Variants in PCDHGB2 observed in about 807,000 individuals in gnomAD.
The protein encoded by PCDHGB2 is protocadherin gamma-B2.
A neutral mutation model predicts 59.3 loss-of-function variants in PCDHGB2; 55 were observed. That is an observed-to-expected ratio of 0.93 (90% CI 0.75 to 1.16). The LOEUF is 1.16. PCDHGB2 is among the 50% of genes most tolerant of loss of function. The probability of loss-of-function intolerance (pLI) is 0.00; values close to 1 mark genes in which losing one functional copy is unlikely to be tolerated. For missense variants in PCDHGB2, 1,228 were observed against 1,198.5 expected (o/e 1.02, Z -0.36); for synonymous variants, 516 against 512.0 (o/e 1.01, Z -0.11).
rs751034521 is a variant in PCDHGB2, at chr5:141,405,112, C to A, written c.2421+42556C>A. ...TGGCCCTCAGGCTGAGGCACTGGCA[C>A]TCCTCGCATCTGCTGCGGGCTACCA... On this transcript the variant is annotated intron_variant, in intron 1 of 3. Coordinates refer to ENST00000522605, the MANE Select transcript of PCDHGB2 (RefSeq NM_018923.3). 4.5e-5 allele frequency: 73 copies of A among 1,613,868 alleles called. 1 individual carries two copies. The Middle Eastern group carries it at 5.9e-3, about 131-fold the overall frequency.
Position 141,432,298 on chromosome 5 carries a change from A to T in PCDHGB2, c.2422-62509A>T. Reference sequence around the variant, plus strand: ...TGTCCATCAACTCCGACACTGGGGTACTGTATGCGCTGAGCTCCTTCGACT... The same window carrying T: ...TGTCCATCAACTCCGACACTGGGGTTCTGTATGCGCTGAGCTCCTTCGACT... On this transcript the variant is annotated intron_variant, in intron 1 of 3. Transcript: ENST00000522605. The surrounding 1 kb of genome is among the most constrained non-coding windows in gnomAD (Gnocchi z 6.0). The T allele has an allele frequency of 6.2e-7, 1 of 1,614,236 alleles. No homozygotes were observed. Among genetic ancestry groups the T allele is most frequent in the Non-Finnish European group, 8.5e-7 (1 of 1,180,036 alleles).
At chr5:141,418,549 C>A in intron 1 of PCDHGB2, 1 of 1,614,024 alleles carries the variant, frequency 6.2e-7, no homozygotes, top group Non-Finnish European at 8.5e-7. Context: ...AGATAAGAAT[C>A]CTGGTAATAG....
intron 1 of PCDHGB2, chr5:141,384,104 A>C: frequency 1.2e-6 from 2 of 1,601,040 alleles, no homozygotes; most frequent in Non-Finnish European, 8.5e-7. Context: ...GATAATTATT[A>C]TAGATTGGTC....
intron 1 of PCDHGB2, chr5:141,413,677 G>T (rs539552615): frequency 6.2e-7 from 1 of 1,613,794 alleles, no homozygotes; most frequent in East Asian, 2.2e-5. Flanking sequence ...GGATGTGGGC[G>T]TGAACTCCCT....
intron 1 of PCDHGB2, chr5:141,393,405 C>T (rs777100284): frequency 1.2e-6 from 2 of 1,614,032 alleles, no homozygotes; most frequent in Non-Finnish European, 1.7e-6. Flanking sequence ...GGTGCTGGAG[C>T]GCGCCCTGGA....
intron 1 of PCDHGB2, among the ~76,000 whole-genome samples, chr5:141,363,599 G>A (rs1470952718): frequency 1.3e-5 from 2 of 152,206 alleles, no homozygotes; most frequent in African/African-American, 2.4e-5. Context: ...CAACTCAAAC[G>A]CTGTCTGAGA....
At chr5:141,410,701 A>C in intron 1 of PCDHGB2, 2 of 1,471,660 alleles carry the variant, frequency 1.4e-6, no homozygotes, top group Non-Finnish European at 9.1e-7. Context: ...TTATTTTCAT[A>C]TCTAGAATCA....
At chr5:141,366,184 G>T in intron 1 of PCDHGB2, 2 of 1,613,984 alleles carry the variant, frequency 1.2e-6, no homozygotes, top group South Asian at 1.1e-5. Flanking sequence ...GACTCTTTGC[G>T]GTTGGGCTGC....
intron 1 of PCDHGB2, among the ~76,000 whole-genome samples, chr5:141,426,133 G>A (rs2096916691): frequency 6.6e-6 from 1 of 152,212 alleles, no homozygotes. Context: ...GCCAAGACTT[G>A]GGCTTTCTGC....
intron 1 of PCDHGB2, among the ~76,000 whole-genome samples, chr5:141,467,414 C>A (rs1410743140): frequency 6.6e-5 from 10 of 152,168 alleles, no homozygotes; most frequent in African/African-American, 1.2e-4. Flanking sequence ...CCTTTCCCCA[C>A]ACCTAGGTTA....
At chr5:141,419,464 C>T (rs199965876) in intron 1 of PCDHGB2, 35 of 1,612,542 alleles carry the variant, frequency 2.2e-5, no homozygotes, top group Middle Eastern at 1.7e-4. Context: ...TGCAGGCCCG[C>T]GACCAGGGCT....
intron 1 of PCDHGB2, among the ~76,000 whole-genome samples, chr5:141,436,884 G>T (rs1041906146): frequency 6.6e-6 from 1 of 152,190 alleles, no homozygotes; most frequent in Non-Finnish European, 1.5e-5. Context: ...AAAAGATGGG[G>T]GAAAGATTTT....
chr5:141,403,533 T>G (rs1307203985), intron 1 of PCDHGB2: 2 of 1,613,992 alleles, frequency 1.2e-6, no homozygotes, highest in African/African-American at 2.7e-5. Flanking sequence ...AACCCAGAGC[T>G]GGTGCTGGAG....
rs1313971451 is a variant in PCDHGB2 at position 141,367,488 on chromosome 5, G to T, written c.2421+4932G>T. On this transcript the variant is annotated intron_variant, in intron 1 of 3. Transcript: ENST00000522605. ...GGAGGAGGAGCTTGCAGTAAGCCGAGATCGCGCCACTGCACTCCAGCCTGG... is the reference window on the plus strand; with the variant it reads ...GGAGGAGGAGCTTGCAGTAAGCCGATATCGCGCCACTGCACTCCAGCCTGG... 2.0e-5 allele frequency: 3 copies of T among 152,134 alleles called. No individual in the cohort carries two copies. In the East Asian group the frequency reaches 5.8e-4, roughly 29 times the overall value. The allele number at this position is 152,134 out of a possible 1,614,324, so 9.4% of individuals were successfully genotyped here.
Position 141,394,271 on chromosome 5 carries a change from G to C in PCDHGB2, c.2421+31715G>C, listed in dbSNP as rs768847661. The stretch of plus-strand genomic sequence containing the variant: ...ACCCCGACAGCCAGGAGAATGCCCA[G>C]GTCACTTACTCTGTGACCGAGGACA... On this transcript the variant is annotated intron_variant, in intron 1 of 3. Transcript: ENST00000522605. 9 of 1,613,862 alleles carry C rather than the reference G, an allele frequency of 5.6e-6. No individual in the cohort carries two copies. In the South Asian group the frequency reaches 9.9e-5, roughly 18 times the overall value.
intron 1 of PCDHGB2, among the ~76,000 whole-genome samples, chr5:141,406,621 A>G (rs2094831746): frequency 6.6e-6 from 1 of 152,172 alleles, no homozygotes; most frequent in African/African-American, 2.4e-5. Flanking sequence ...TTTTATTCTC[A>G]TATCTTCAAA....
rs748017565 is a variant in PCDHGB2 at position 141,477,404 on chromosome 5, C to G, written c.2422-17403C>G. ...AGAATACAACCTCAGCATCACCGCCCGAGACGCCGGAACCCCTTCCCTCTC... is the reference window on the plus strand; with the variant it reads ...AGAATACAACCTCAGCATCACCGCCGGAGACGCCGGAACCCCTTCCCTCTC... On this transcript the variant is annotated intron_variant, in intron 1 of 3. Coordinates refer to ENST00000522605, the MANE Select transcript of PCDHGB2 (RefSeq NM_018923.3). The surrounding 1 kb of genome is among the most constrained non-coding windows in gnomAD (Gnocchi z 4.9). The G allele has an allele frequency of 1.9e-6, 3 of 1,614,042 alleles. No homozygotes were observed. Among genetic ancestry groups the G allele is most frequent in the African/African-American group, 1.3e-5 (1 of 74,902 alleles).
chr5:141,362,184 C>G lies in PCDHGB2; in HGVS notation c.2049C>G (p.Asp683Glu). 1.2e-6 allele frequency: 2 copies of G among 1,614,058 alleles called. No individual in the cohort carries two copies. Among genetic ancestry groups the G allele is most frequent in the Non-Finnish European group, 1.7e-6 (2 of 1,179,898 alleles). Residue 683 changes from aspartate (D) to glutamate (E), a missense_variant, in exon 1 of 4, where the codon GAC becomes GAG. Physicochemically the swap from Asp to Glu is conservative, Grantham distance 45. Coordinates refer to ENST00000522605, the MANE Select transcript of PCDHGB2 (RefSeq NM_018923.3). Reference sequence around the variant, plus strand: ...TCAGCGACCGCCGGGAGCCCTCTGACCCCCAGGCAAAACTGCAGTTTTACC... The same window carrying G: ...TCAGCGACCGCCGGGAGCCCTCTGAGCCCCAGGCAAAACTGCAGTTTTACC... ...PDLSDRREPS[D>E]PQAKLQFYLV... is the part of the protein sequence containing the mutation.
At chr5:141,393,322 A>C (rs780040037) in intron 1 of PCDHGB2, 21 of 1,611,334 alleles carry the variant, frequency 1.3e-5, no homozygotes, top group Middle Eastern at 1.6e-4. Context: ...CTCCAGAGCT[A>C]CCAGCTCAGC....
Sources: allele counts gnomAD v4.1 joint callset (sites outside exome capture counted in the v4.1 genomes callset), GRCh38; gene constraint gnomAD v4.1.1; non-coding constraint Gnocchi (gnomAD v3.1); transcripts MANE v1.5; gene names NCBI Gene and HGNC (gene_info 2026-07-23, HGNC 2026-07-21).